Variants in PDZRN4 observed in about 807,000 individuals in gnomAD.
PDZRN4 encodes the protein PDZ domain-containing RING finger protein 4.
PDZRN4 carries 70 observed loss-of-function variants against 99.0 expected under a neutral mutation model. The observed-to-expected ratio is 0.71, with a 90% CI of 0.58 to 0.86. PDZRN4 has a LOEUF of 0.86. Ranked by LOEUF, PDZRN4 falls within the 40% of genes least tolerant of loss-of-function variation. The pLI is 0.00. For synonymous variants in PDZRN4, 551 were observed against 501.6 expected, an observed-to-expected ratio of 1.10 and a Z score of -1.32; for missense variants, 1,474 against 1,331.2, an observed-to-expected ratio of 1.11 and a Z score of -1.67.
chr12:41,302,586 A>G (rs1951543139), intron 3 of PDZRN4, among the ~76,000 whole-genome samples: 1 of 152,184 alleles, frequency 6.6e-6, no homozygotes, highest in African/African-American at 2.4e-5. Flanking sequence ...GGGAGTGGGT[A>G]ATAGAATCAG....
chr12:41,464,981 C>A (rs1034488161), intron 3 of PDZRN4, among the ~76,000 whole-genome samples: 4 of 151,946 alleles, frequency 2.6e-5, no homozygotes, highest in Admixed American at 6.6e-5. Context: ...CCTGTCACCA[C>A]GCCTGGCTAA....
At chr12:41,458,572 G>C (rs1013423355) in intron 3 of PDZRN4, among the ~76,000 whole-genome samples, 2 of 152,190 alleles carry the variant, frequency 1.3e-5, no homozygotes, top group Non-Finnish European at 2.9e-5. Context: ...AAGTAGGGCA[G>C]GAAATTTTCA....
At chr12:41,338,832 C>CA (rs1415255771) in intron 3 of PDZRN4, among the ~76,000 whole-genome samples, 4 of 151,630 alleles carry the variant, frequency 2.6e-5, no homozygotes, top group Non-Finnish European at 4.4e-5. Flanking sequence ...AATCTTTCAT[C>CA]AAAAAAATCC....
intron 8 of PDZRN4, among the ~76,000 whole-genome samples, chr12:41,567,356 A>T (rs1233933812): frequency 6.6e-6 from 1 of 152,090 alleles, no homozygotes; most frequent in Non-Finnish European, 1.5e-5. Flanking sequence ...TATGGGGGGA[A>T]CTTTGTGTGC....
At chr12:41,256,815 C>A (rs1004029369) in intron 3 of PDZRN4, among the ~76,000 whole-genome samples, 2 of 152,170 alleles carry the variant, frequency 1.3e-5, no homozygotes, top group African/African-American at 4.8e-5. Context: ...ATCTGCCTAT[C>A]TCAGGGAATG....
chr12:41,278,265 A>C (rs1404938461), intron 3 of PDZRN4, among the ~76,000 whole-genome samples: 4 of 152,228 alleles, frequency 2.6e-5, no homozygotes, highest in Non-Finnish European at 5.9e-5. Flanking sequence ...AAGTCATGGA[A>C]GAAAAACATA....
chr12:41,276,902 T>C (rs1447240620), intron 3 of PDZRN4, among the ~76,000 whole-genome samples: 1 of 152,182 alleles, frequency 6.6e-6, no homozygotes, highest in Non-Finnish European at 1.5e-5. Flanking sequence ...CCAGTTCTAC[T>C]TTAATAATAA....
At chr12:41,355,583 A>G (rs909038385) in intron 3 of PDZRN4, among the ~76,000 whole-genome samples, 3 of 152,140 alleles carry the variant, frequency 2.0e-5, no homozygotes, top group Admixed American at 1.3e-4. Flanking sequence ...AAACATTTGC[A>G]TATATGCATT....
At chr12:41,270,353 G>A (rs1951307229) in intron 3 of PDZRN4, among the ~76,000 whole-genome samples, 1 of 147,176 alleles carries the variant, frequency 6.8e-6, no homozygotes, top group Admixed American at 6.8e-5. Flanking sequence ...TGTGTATTTA[G>A]AATTAGATTG....
chr12:41,347,112 A>T (rs1951859452), intron 3 of PDZRN4, among the ~76,000 whole-genome samples: 1 of 152,090 alleles, frequency 6.6e-6, no homozygotes, highest in Non-Finnish European at 1.5e-5. Context: ...GTGAACGTTC[A>T]TGTATGAATT....
At chr12:41,298,300 A>G (rs1348832435) in intron 3 of PDZRN4, among the ~76,000 whole-genome samples, 2 of 152,116 alleles carry the variant, frequency 1.3e-5, no homozygotes, top group Non-Finnish European at 1.5e-5. Flanking sequence ...ATTTTTGCAT[A>G]TTCTCACATT....
At chr12:41,555,829 T>A in intron 7 of PDZRN4, 69 bp downstream of exon 7, 2 of 1,244,284 alleles carry the variant, frequency 1.6e-6, no homozygotes. Flanking sequence ...CTTTGTTTCT[T>A]GTAAACTGTT....
chr12:41,232,891 C>A (rs1951038096), intron 3 of PDZRN4, among the ~76,000 whole-genome samples: 1 of 152,132 alleles, frequency 6.6e-6, no homozygotes, highest in Non-Finnish European at 1.5e-5. Context: ...CTACATATGG[C>A]TAGCCAATTT....
At position 41,573,521 on chromosome 12, in the gene PDZRN4, T is replaced by A. The variant is rs769449690; in HGVS notation, c.2742T>A (p.Arg914=). 12 of 1,613,768 alleles carry A rather than the reference T, an allele frequency of 7.4e-6. No individual in the cohort carries two copies. The South Asian group carries it at 1.2e-4, about 16-fold the overall frequency. Residue 914 remains arginine, a synonymous_variant, in exon 10 of 10, where the codon CGT becomes CGA. Transcript: ENST00000402685. ...RPVRDRILKE[R]ALKIKEERSG... ...TGCGAGACCGAATCCTGAAGGAACGTGCCTTAAAGATCAAGGAAGAGCGGA... is the reference window on the plus strand; with the variant it reads ...TGCGAGACCGAATCCTGAAGGAACGAGCCTTAAAGATCAAGGAAGAGCGGA...
At chr12:41,458,065 T>A (rs1952831682) in intron 3 of PDZRN4, among the ~76,000 whole-genome samples, 1 of 152,134 alleles carries the variant, frequency 6.6e-6, no homozygotes, top group Non-Finnish European at 1.5e-5. Context: ...CCTTGACAGA[T>A]GAGGGTGTAG....
chr12:41,386,010 C>T (rs191181186), intron 3 of PDZRN4, among the ~76,000 whole-genome samples: 1 of 152,286 alleles, frequency 6.6e-6, no homozygotes, highest in Admixed American at 6.5e-5. Context: ...GTTTATTCAA[C>T]ATACACAAAT....
intron 3 of PDZRN4, among the ~76,000 whole-genome samples, chr12:41,257,894 T>C (rs1398629161): frequency 6.6e-6 from 1 of 152,242 alleles, no homozygotes; most frequent in Non-Finnish European, 1.5e-5. Flanking sequence ...TTAACAGTAA[T>C]ATTAGAAGGT....
intron 3 of PDZRN4, among the ~76,000 whole-genome samples, chr12:41,249,975 A>G (rs1566394523): frequency 2.0e-5 from 3 of 152,312 alleles, no homozygotes; most frequent in South Asian, 4.1e-4. Flanking sequence ...TCCAGGAAGC[A>G]TAGTCGTGAG....
chr12:41,304,634 T>C (rs968528119), intron 3 of PDZRN4, among the ~76,000 whole-genome samples: 2 of 152,198 alleles, frequency 1.3e-5, no homozygotes, highest in African/African-American at 2.4e-5. Context: ...CCAATGAGAA[T>C]GCATGCTTTA....
Sources: gnomAD v4.1 joint callset for allele counts (sites outside exome capture counted in the v4.1 genomes callset) on GRCh38, gnomAD v4.1.1 for gene constraint, MANE v1.5 for transcripts, NCBI Gene and HGNC (gene_info 2026-07-23, HGNC 2026-07-21) for gene names.